The following UBAP1L variants were observed in gnomAD, a reference collection of about 807,000 sequenced individuals.
UBAP1L encodes ubiquitin-associated protein 1-like.
Under a neutral mutation model 32.1 loss-of-function variants are expected in UBAP1L, and 32 were observed. That is an observed-to-expected ratio of 1.00 (90% CI 0.75 to 1.34). The LOEUF is 1.34. Among genes scored for constraint, UBAP1L ranks in the 40% most tolerant of loss-of-function variants. The pLI is 0.00. For synonymous variants in UBAP1L, 243 were observed against 250.2 expected (o/e 0.97, Z 0.27); for missense variants, 516 against 540.5 (o/e 0.95, Z 0.45).
intron 4 of UBAP1L, chr15:65,099,108 GAAGAA>G (rs1382676201): frequency 5.5e-6 from 1 of 182,722 alleles, no homozygotes; most frequent in East Asian, 1.5e-4. Context: ...AACTCTATTA[GAAGAA>G]TAGAATGTGG....
chr15:65,093,977 G>A (rs1041046628), intron 5 of UBAP1L, among the ~76,000 whole-genome samples: 5 of 152,208 alleles, frequency 3.3e-5, no homozygotes, highest in Non-Finnish European at 1.5e-5. Flanking sequence ...AACCTCGGGG[G>A]CAGAGGTTGC....
chr15:65,107,468 C>T (rs572343644), intron 1 of UBAP1L, among the ~76,000 whole-genome samples: 3 of 152,068 alleles, frequency 2.0e-5, no homozygotes, highest in Admixed American at 6.6e-5. Context: ...CAGTGGCTCA[C>T]ACCTGTAATC....
At chr15:65,101,760 T>C (rs907417679) in intron 3 of UBAP1L, 1 of 177,740 alleles carries the variant, frequency 5.6e-6, no homozygotes, top group African/African-American at 2.4e-5. Context: ...CTGGGTGCTC[T>C]GGAAACAAAA....
In UBAP1L at chr15:65,093,072, C is replaced by G; in HGVS notation, c.*25G>C. ...AGGTCTGGCATTGGGCCTAGATGCC[C>G]AGGCATCGTGGAGTGCCTCCGTGGT... On this transcript the variant is annotated 3_prime_UTR_variant, in exon 6 of 6. Transcript: ENST00000559089. The G allele has an allele frequency of 6.5e-7, 1 of 1,538,486 alleles. No individual in the cohort carries two copies. Among genetic ancestry groups the G allele is most frequent in the Non-Finnish European group, 8.7e-7 (1 of 1,143,804 alleles).
chr15:65,094,174 G>T lies in UBAP1L; in HGVS notation c.1011+301C>A, dbSNP rs1020911253. On this transcript the variant is annotated intron_variant, in intron 5 of 5. Coordinates refer to ENST00000559089, the MANE Select transcript of UBAP1L (RefSeq NM_001163692.2). The surrounding 1 kb of genome is among the most constrained non-coding windows in gnomAD (Gnocchi z 4.2). The stretch of plus-strand genomic sequence containing the variant: ...CCTATCTGAGTGTCCGACAAAGAGT[G>T]GCCATTCAGTCACAGAGGCTGTGTT... 6.6e-6 allele frequency among the ~76,000 whole-genome samples: 1 copy of T among 152,144 alleles called. No homozygotes were observed. The highest frequency in any genetic ancestry group is 1.9e-4 in the East Asian group (1 of 5,188).
At chr15:65,103,056 A>G (rs928633398) in intron 2 of UBAP1L, among the ~76,000 whole-genome samples, 5 of 152,238 alleles carry the variant, frequency 3.3e-5, no homozygotes, top group African/African-American at 1.2e-4. Context: ...ACCTGAGCCC[A>G]GCAGTTTGCC....
intron 2 of UBAP1L, chr15:65,104,980 C>T: frequency 3.8e-6 from 1 of 261,254 alleles, no homozygotes; most frequent in South Asian, 3.3e-5. Flanking sequence ...GCACTCCAGC[C>T]TGGTGACAGA....
chr15:65,095,156 C>T (rs144718314), intron 4 of UBAP1L: 1,635 of 153,600 alleles, frequency 0.011, 16 homozygotes, highest in Middle Eastern at 0.078. Flanking sequence ...GTTACGTCAT[C>T]AGGGGCCCAG....
chr15:65,106,971 GA>G (rs2087319877), intron 1 of UBAP1L, among the ~76,000 whole-genome samples: 1 of 151,858 alleles, frequency 6.6e-6, no homozygotes, highest in Non-Finnish European at 1.5e-5. Flanking sequence ...TACCAAACTT[GA>G]TAAGAAAATT....
chr15:65,102,350 C>T lies in UBAP1L; in HGVS notation c.455G>A (p.Arg152Gln), dbSNP rs1334321590. 6.8e-7 allele frequency: 1 copy of T among 1,472,998 alleles called. No individual in the cohort carries two copies. Among genetic ancestry groups the T allele is most frequent in the East Asian group, 2.9e-5 (1 of 34,386 alleles). The allele number at this position is 1,472,998 out of a possible 1,614,324, so 91.2% of individuals were successfully genotyped here. A position where few individuals can be genotyped will look rare whatever the true frequency, so the allele number is the denominator to read the frequency against. Residue 152 changes from arginine (R) to glutamine (Q), a missense_variant, in exon 3 of 6, where the codon CGG becomes CAG. Coordinates refer to ENST00000559089, the MANE Select transcript of UBAP1L (RefSeq NM_001163692.2). The surrounding 1 kb of genome is among the most constrained non-coding windows in gnomAD (Gnocchi z 5.0). ...CCGCCGCGCCCCTGCCAGCTCCAAC[C>T]GCACGCCGCGTAGCACGTCCAGCGA... The part of the protein sequence containing the change: ...LCSLDVLRGV[R>Q]LELAGARRRL...
chr15:65,103,615 C>T (rs1256223516), intron 2 of UBAP1L, among the ~76,000 whole-genome samples: 1 of 152,168 alleles, frequency 6.6e-6, no homozygotes, highest in Middle Eastern at 3.2e-3. Context: ...GGCACAGCTC[C>T]CTCTCACCCA....
chr15:65,099,824 G>A (rs753977178), intron 3 of UBAP1L, 110 bp from the exon 4 acceptor site: 4 of 907,434 alleles, frequency 4.4e-6, no homozygotes, highest in Non-Finnish European at 6.6e-6. Flanking sequence ...AGAGTGTAGG[G>A]GCTAATATTA....
Position 65,093,104 on chromosome 15 carries a change from G to T in UBAP1L, c.1139C>A (p.Ala380Asp). 2 of 1,548,208 alleles carry T rather than the reference G, an allele frequency of 1.3e-6. No individual in the cohort carries two copies. Residue 380 changes from alanine (A) to aspartate (D), a missense_variant, in exon 6 of 6, where the codon GCC (alanine) becomes GAC (aspartate). Coordinates refer to ENST00000559089, the MANE Select transcript of UBAP1L (RefSeq NM_001163692.2). The stretch of plus-strand genomic sequence containing the variant: ...CGTGGAGTGCCTCCGTGGTCACTGG[G>T]CACAGGCCACCAGCTCCTCCAGGGC... ...EQALEELVAC[A>D]Q
chr15:65,095,282 G>C (rs2087160056), intron 4 of UBAP1L: 1 of 152,520 alleles, frequency 6.6e-6, no homozygotes, highest in Non-Finnish European at 1.5e-5. Context: ...GCCAAGGCTG[G>C]CCTCCTTCCC....
chr15:65,109,213 G>A (rs1330524626), intron 1 of UBAP1L, among the ~76,000 whole-genome samples: 2 of 147,572 alleles, frequency 1.4e-5, no homozygotes, highest in Non-Finnish European at 3.0e-5. Flanking sequence ...GGCCGGGCGT[G>A]GTGGCTCACA....
At chr15:65,104,331 GAAGAGAAGAA>G (rs1347272445) in intron 2 of UBAP1L, among the ~76,000 whole-genome samples, 3 of 151,080 alleles carry the variant, frequency 2.0e-5, no homozygotes, top group African/African-American at 7.3e-5. Flanking sequence ...AAAGAGAAGA[GAAGAGAAGAA>G]AAGAAAAGAA....
rs571791433 is a variant in UBAP1L, at chr15:65,109,222, C to T, written c.-173-2834G>A. Among the ~76,000 whole-genome samples the T allele has an allele frequency of 3.4e-5, 5 of 149,234 alleles. 1 individual carries two copies. In the East Asian group the frequency reaches 1.0e-3, roughly 30 times the overall value. ...CCATTTGGCCGGGCGTGGTGGCTCACACCTGTAATCCCAGCACTTTGGAGG... is the reference window on the plus strand; with the variant it reads ...CCATTTGGCCGGGCGTGGTGGCTCATACCTGTAATCCCAGCACTTTGGAGG... On this transcript the variant is annotated intron_variant, in intron 1 of 5. Coordinates refer to ENST00000559089, the MANE Select transcript of UBAP1L (RefSeq NM_001163692.2).
rs924401253 is a variant in UBAP1L at position 65,093,247 on chromosome 15, CAGGGAGGG to C, written c.1012-24_1012-17del. 4 of 1,536,288 alleles carry C rather than the reference CAGGGAGGG, an allele frequency of 2.6e-6. No homozygotes were observed. The African/African-American group carries it at 5.5e-5, about 21-fold the overall frequency. ...ACTCCCCTGCCTGAGGAAGAGGAGA[CAGGGAGGG>C]TGCTGGGGGCTCTGCTGGGCCTGGC... On this transcript the variant is annotated splice_polypyrimidine_tract_variant and intron_variant, in intron 5 of 5. Coordinates refer to ENST00000559089, the MANE Select transcript of UBAP1L (RefSeq NM_001163692.2).
rs191537109 is a variant in UBAP1L at position 65,093,861 on chromosome 15, T to C, written c.1011+614A>G. Among the ~76,000 whole-genome samples the C allele has an allele frequency of 2.9e-3, 441 of 151,676 alleles. 3 individuals are homozygous for C. Among genetic ancestry groups the C allele is most frequent in the Non-Finnish European group, 5.3e-3 (362 of 67,908 alleles). ...GCATTCGAGACCAGCCTGGTCAACA[T>C]GGTGAAACTCCGTCTCTACTGAAAA... On this transcript the variant is annotated intron_variant, in intron 5 of 5. Coordinates refer to ENST00000559089, the MANE Select transcript of UBAP1L (RefSeq NM_001163692.2).
Sources: gnomAD v4.1 joint callset for allele counts (sites outside exome capture counted in the v4.1 genomes callset) on GRCh38, gnomAD v4.1.1 for gene constraint, Gnocchi (gnomAD v3.1) non-coding constraint, MANE v1.5 for transcripts, NCBI Gene and HGNC (gene_info 2026-07-23, HGNC 2026-07-21) for gene names.